The following ACOT7 variants were observed in gnomAD, a reference collection of about 807,000 sequenced individuals.
ACOT7 encodes the protein cytosolic acyl coenzyme A thioester hydrolase.
Under a neutral mutation model 40.2 loss-of-function variants are expected in ACOT7, and 12 were observed. That is an observed-to-expected ratio of 0.30 (90% CI 0.19 to 0.48). The LOEUF is 0.48. Ranked by LOEUF, ACOT7 falls within the 20% of genes least tolerant of loss-of-function variation. The probability of loss-of-function intolerance (pLI) is 0.99; values close to 1 mark genes in which losing one functional copy is unlikely to be tolerated. For synonymous variants in ACOT7, 228 were observed against 219.5 expected, an observed-to-expected ratio of 1.04 and a Z score of -0.34; for missense variants, 395 against 530.8, an observed-to-expected ratio of 0.74 and a Z score of 2.51.
At chr1:6,307,577 T>A (rs1240195535) in intron 6 of ACOT7, among the ~76,000 whole-genome samples, 2 of 152,262 alleles carry the variant, frequency 1.3e-5, no homozygotes, top group East Asian at 3.8e-4. Flanking sequence ...CTTACAGTTG[T>A]CTGGGTAACC....
At chr1:6,383,935 A>C (rs1329950526) in intron 1 of ACOT7, among the ~76,000 whole-genome samples, 1 of 151,412 alleles carries the variant, frequency 6.6e-6, no homozygotes, top group African/African-American at 2.4e-5. Context: ...CGATCCCCTG[A>C]CCTCGTGATC....
Position 6,264,533 on chromosome 1 carries a change from A to C in ACOT7, c.*64T>G. On this transcript the variant is annotated 3_prime_UTR_variant, in exon 9 of 9. Transcript: ENST00000361521. ...GTTTTTGGCCAAGGGGGGAACTTCTAAGTGACTGGACACTGGGCCCGTTGC... is the reference window on the plus strand; with the variant it reads ...GTTTTTGGCCAAGGGGGGAACTTCTCAGTGACTGGACACTGGGCCCGTTGC... The C allele has an allele frequency of 1.1e-5, 16 of 1,503,722 alleles. No individual in the cohort carries two copies. The highest frequency in any genetic ancestry group is 1.4e-5 in the Non-Finnish European group (16 of 1,109,660). 93.1% of individuals were successfully genotyped at this position (1,503,722 alleles called of 1,614,324 possible). A position where few individuals can be genotyped will look rare whatever the true frequency, so the allele number is the denominator to read the frequency against.
In ACOT7 at chr1:6,357,870, C is replaced by CT. The variant is rs148990897; in HGVS notation, c.144-8005dup. On this transcript the variant is annotated intron_variant, in intron 1 of 8. Transcript: ENST00000361521. Reference sequence around the variant, plus strand: ...AAGCTCAAGCAGCCCTGCTTCTCCTCTTTTTTTTTTTTTTGAGAGGGAGTC... The same window carrying CT: ...AAGCTCAAGCAGCCCTGCTTCTCCTCTTTTTTTTTTTTTTTGAGAGGGAGTC... 4.7e-3 allele frequency among the ~76,000 whole-genome samples: 678 copies of CT among 143,564 alleles called. 2 individuals carry two copies. Among genetic ancestry groups the CT allele is most frequent in the African/African-American group, 0.011 (416 of 39,372 alleles). The allele number at this position is 143,564 out of a possible 152,430, so 94.2% of individuals were successfully genotyped here. A position where few individuals can be genotyped will look rare whatever the true frequency, so the allele number is the denominator to read the frequency against.
intron 1 of ACOT7, among the ~76,000 whole-genome samples, chr1:6,376,233 G>T (rs74644642): frequency 1.3e-5 from 2 of 151,852 alleles, no homozygotes; most frequent in Non-Finnish European, 2.9e-5. Context: ...TCCAGCCTGA[G>T]GAAAAACAGC....
intron 7 of ACOT7, among the ~76,000 whole-genome samples, chr1:6,281,986 A>AG (rs1378147196): frequency 6.6e-6 from 1 of 152,108 alleles, no homozygotes; most frequent in African/African-American, 2.4e-5. Context: ...TGCTCAAAGC[A>AG]CCAGCCCCAT....
chr1:6,349,246 T>C (rs2148454895), intron 2 of ACOT7, among the ~76,000 whole-genome samples: 1 of 152,286 alleles, frequency 6.6e-6, no homozygotes, highest in East Asian at 1.9e-4. Context: ...GCTGCTCCCA[T>C]TGTGGGCACA....
chr1:6,390,125 C>A (rs538533779), intron 1 of ACOT7, among the ~76,000 whole-genome samples: 2 of 152,316 alleles, frequency 1.3e-5, no homozygotes, highest in South Asian at 4.1e-4. Context: ...GATGGAACCA[C>A]AGCCTTCTCT....
In ACOT7 at chr1:6,352,099, A is replaced by G. The variant is rs1557663813; in HGVS notation, c.144-2233T>C. On this transcript the variant is annotated intron_variant, in intron 1 of 8. Transcript: ENST00000361521. This position sits in a 1 kb window ranked among gnomAD's most constrained non-coding sequence, Gnocchi z 4.5. ...AAGGACCATCCTAACTCCCCAACTGACCACCCAGGAAGCCAGCCCCTGCCC... is the reference window on the plus strand; with the variant it reads ...AAGGACCATCCTAACTCCCCAACTGGCCACCCAGGAAGCCAGCCCCTGCCC... The G allele has an allele frequency of 6.6e-6, 1 of 152,176 alleles. No homozygotes were observed. The highest frequency in any genetic ancestry group is 1.5e-5 in the Non-Finnish European group (1 of 68,264). The allele number at this position is 152,176 out of a possible 1,614,324, so 9.4% of individuals were successfully genotyped here. A position where few individuals can be genotyped will look rare whatever the true frequency, so the allele number is the denominator to read the frequency against.
chr1:6,272,000 A>G (rs1350623694), intron 8 of ACOT7, among the ~76,000 whole-genome samples: 1 of 152,264 alleles, frequency 6.6e-6, no homozygotes, highest in Non-Finnish European at 1.5e-5. Flanking sequence ...CGCTCGGCTC[A>G]CAGCTCTTGT....
At chr1:6,390,298 C>T (rs111939758) in intron 1 of ACOT7, among the ~76,000 whole-genome samples, 17,274 of 152,196 alleles carry the variant, frequency 0.11, 1,203 homozygotes, top group African/African-American at 0.19. Context: ...TGGCCAGGCA[C>T]GGTGGCTCAT....
rs1290266958 is a variant in ACOT7 at position 6,278,225 on chromosome 1, G to A, written c.1014+2877C>T. Among the ~76,000 whole-genome samples the A allele has an allele frequency of 6.6e-6, 1 of 152,158 alleles. No individual in the cohort carries two copies. The highest frequency in any genetic ancestry group is 1.5e-5 in the Non-Finnish European group (1 of 68,020). ...GAGGGTGGTCCAGATGGGAGCAGCAGGTGCACAGGCGCCGGGCAGGAGTGA... is the reference window on the plus strand; with the variant it reads ...GAGGGTGGTCCAGATGGGAGCAGCAAGTGCACAGGCGCCGGGCAGGAGTGA... On this transcript the variant is annotated intron_variant, in intron 8 of 8. Transcript: ENST00000361521. This position sits in a 1 kb window ranked among gnomAD's most constrained non-coding sequence, Gnocchi z 4.1.
chr1:6,294,810 A>T lies in ACOT7; in HGVS notation c.829+54T>A. ...GAACAGAAAACAAACTGGTGCAGGG[A>T]CCCAAGCAGCCGAGGGCCACTGCCT... On this transcript the variant is annotated intron_variant, in intron 7 of 8. Transcript: ENST00000361521. The surrounding 1 kb of genome is among the most constrained non-coding windows in gnomAD (Gnocchi z 4.6). 1 of 1,461,482 alleles carries T rather than the reference A, an allele frequency of 6.8e-7. No homozygotes were observed. 90.5% of individuals were successfully genotyped at this position (1,461,482 alleles called of 1,614,324 possible).
chr1:6,321,470 T>C (rs1571305200), intron 5 of ACOT7, among the ~76,000 whole-genome samples: 3 of 152,226 alleles, frequency 2.0e-5, no homozygotes, highest in South Asian at 2.1e-4. Flanking sequence ...TCAAGACACA[T>C]GTGGGTGTGT....
At chr1:6,268,557 G>C (rs966760277) in intron 8 of ACOT7, among the ~76,000 whole-genome samples, 6 of 152,218 alleles carry the variant, frequency 3.9e-5, no homozygotes, top group Non-Finnish European at 8.8e-5. Context: ...AGCCGTCTGG[G>C]CTGTGCACAG....
chr1:6,349,941 G>A, intron 1 of ACOT7, 75 bp from the exon 2 acceptor site: 1 of 1,452,498 alleles, frequency 6.9e-7, no homozygotes, highest in African/African-American at 1.4e-5. Context: ...CCAAGGAGGG[G>A]AGAAGGTCCC....
In ACOT7 at chr1:6,264,303, TG is replaced by T. The variant is rs1269040742; in HGVS notation, c.*293del. The T allele has an allele frequency of 2.7e-6, 1 of 373,564 alleles. No individual in the cohort carries two copies. Among genetic ancestry groups the T allele is most frequent in the Non-Finnish European group, 4.8e-6 (1 of 209,388 alleles). 23.1% of individuals were successfully genotyped at this position (373,564 alleles called of 1,614,324 possible). ...CAAGCAGCAGCTTTATTAGTGGTGC[TG>T]GGTTCTTCCCATACCCTACAGCGTG... is the stretch of plus-strand genomic sequence containing the variant. On this transcript the variant is annotated 3_prime_UTR_variant, in exon 9 of 9. Transcript: ENST00000361521.
chr1:6,367,559 C>T (rs61763929), intron 1 of ACOT7, among the ~76,000 whole-genome samples: 35,047 of 152,180 alleles, frequency 0.23, 6,050 homozygotes, highest in African/African-American at 0.49. Context: ...GATGCTGGCA[C>T]AGGTGCTGGT....
intron 5 of ACOT7, among the ~76,000 whole-genome samples, chr1:6,319,857 C>T (rs1277105540): frequency 1.3e-5 from 2 of 152,242 alleles, no homozygotes. Flanking sequence ...GAAGATCCGC[C>T]CTGAGCCATC....
rs1312755992 is a variant in ACOT7 at position 6,382,141 on chromosome 1, C to T, written c.143+11116G>A. On this transcript the variant is annotated intron_variant, in intron 1 of 8. Coordinates refer to ENST00000361521, the MANE Select transcript of ACOT7 (RefSeq NM_007274.4). Reference sequence around the variant, plus strand: ...CGAAAGTGCAAGACTTGGCCGGGCGCGGTGGCTCACGCGTGTAATCCCAAC... The same window carrying T: ...CGAAAGTGCAAGACTTGGCCGGGCGTGGTGGCTCACGCGTGTAATCCCAAC... Among the ~76,000 whole-genome samples, 9 of 148,648 alleles carry T rather than the reference C, an allele frequency of 6.1e-5. No individual in the cohort carries two copies. In the Admixed American group the frequency reaches 6.1e-4, roughly 10 times the overall value.
Sources: allele counts gnomAD v4.1 joint callset (sites outside exome capture counted in the v4.1 genomes callset), GRCh38; gene constraint gnomAD v4.1.1; non-coding constraint Gnocchi (gnomAD v3.1); transcripts MANE v1.5; gene names NCBI Gene and HGNC (gene_info 2026-07-23, HGNC 2026-07-21).